ZFYVE9: variants seen among roughly 807,000 people sequenced by gnomAD.
ZFYVE9 encodes the protein zinc finger FYVE domain-containing protein 9.
A neutral mutation model predicts 126.7 loss-of-function variants in ZFYVE9; 43 were observed. The ratio of observed to expected loss-of-function variants is 0.34; its 90% CI spans 0.27 to 0.44. The LOEUF (loss-of-function observed/expected upper bound fraction) is 0.44, where lower values mean the gene tolerates loss of function less well. ZFYVE9 is among the 20% of genes least tolerant of loss of function. The pLI is 1.00. For synonymous variants in ZFYVE9, 521 were observed against 597.4 expected (o/e 0.87, Z 1.87); for missense variants, 1,476 against 1,697.0 (o/e 0.87, Z 2.29).
At chr1:52,210,313 G>A (rs1645015343) in intron 1 of ZFYVE9, among the ~76,000 whole-genome samples, 1 of 152,130 alleles carries the variant, frequency 6.6e-6, no homozygotes, top group South Asian at 2.1e-4. Flanking sequence ...AGTGTATGTG[G>A]GTTGGAGGAA....
chr1:52,225,026 A>C (rs1645156559), intron 2 of ZFYVE9, among the ~76,000 whole-genome samples: 1 of 152,122 alleles, frequency 6.6e-6, no homozygotes, highest in African/African-American at 2.4e-5. Flanking sequence ...CAAGGTGACC[A>C]CAGAACCGAG....
intron 4 of ZFYVE9, among the ~76,000 whole-genome samples, chr1:52,263,502 G>GT (rs34543856): frequency 1.2e-4 from 19 of 152,136 alleles, no homozygotes; most frequent in African/African-American, 3.4e-4. Context: ...AATTCAGGTG[G>GT]TTTTTTCCCC....
chr1:52,266,429 A>G (rs934653809), intron 5 of ZFYVE9, among the ~76,000 whole-genome samples: 30 of 150,684 alleles, frequency 2.0e-4, no homozygotes, highest in Non-Finnish European at 4.3e-4. Flanking sequence ...AAAAAAAAAA[A>G]AAAAATCATG....
intron 9 of ZFYVE9, among the ~76,000 whole-genome samples, chr1:52,280,022 A>G (rs1300712383): frequency 6.6e-6 from 1 of 152,140 alleles, no homozygotes; most frequent in Non-Finnish European, 1.5e-5. Context: ...GATCAGATTT[A>G]AAATGAATTT....
chr1:52,344,290 C>T (rs1198931531), intron 17 of ZFYVE9, among the ~76,000 whole-genome samples: 3 of 152,186 alleles, frequency 2.0e-5, no homozygotes, highest in African/African-American at 7.2e-5. Context: ...CAGCCTGGCT[C>T]TTCCTCTGTC....
At chr1:52,192,121 A>T (rs1223354424) in intron 1 of ZFYVE9, among the ~76,000 whole-genome samples, 1 of 151,848 alleles carries the variant, frequency 6.6e-6, no homozygotes, top group East Asian at 1.9e-4. Flanking sequence ...GCTACCTGCC[A>T]CTGCAAATCA....
At chr1:52,196,886 C>G (rs1644865811) in intron 1 of ZFYVE9, among the ~76,000 whole-genome samples, 1 of 152,038 alleles carries the variant, frequency 6.6e-6, no homozygotes, top group South Asian at 2.1e-4. Flanking sequence ...AAAGTATAAA[C>G]TGGAGAGGTA....
chr1:52,294,638 T>C (rs1024663058), intron 11 of ZFYVE9, among the ~76,000 whole-genome samples: 17 of 152,302 alleles, frequency 1.1e-4, no homozygotes, highest in African/African-American at 4.1e-4. Flanking sequence ...GTTAAGTTCA[T>C]TGGGAGCTCC....
chr1:52,207,866 A>G (rs1408961991), intron 1 of ZFYVE9, among the ~76,000 whole-genome samples: 2 of 152,248 alleles, frequency 1.3e-5, no homozygotes, highest in African/African-American at 4.8e-5. Flanking sequence ...AATAATAGCT[A>G]TCATTTATTG....
At chr1:52,152,059 G>T (rs1295585764) in intron 1 of ZFYVE9, among the ~76,000 whole-genome samples, 1 of 151,880 alleles carries the variant, frequency 6.6e-6, no homozygotes, top group Non-Finnish European at 1.5e-5. Context: ...GCACCATCTT[G>T]GTTAACTGCA....
rs1646403045 is a variant in ZFYVE9 at position 52,337,879 on chromosome 1, C to T, written c.3778C>T (p.Pro1260Ser). 5 of 1,614,190 alleles carry T rather than the reference C, an allele frequency of 3.1e-6. No homozygotes were observed. Among genetic ancestry groups the T allele is most frequent in the South Asian group, 1.1e-5 (1 of 91,082 alleles). Residue 1260 changes from proline (P) to serine (S), a missense_variant, in exon 16 of 19, where the codon CCC (proline) becomes TCC (serine). By Grantham distance (74) the Pro-to-Ser change is moderately conservative (BLOSUM62 -1). Transcript: ENST00000287727. Reference sequence around the variant, plus strand: ...CTGTGGGAAGGCGGACGCGGAGGAACCCCAGGAGCACATCCACATCCAGTG... The same window carrying T: ...CTGTGGGAAGGCGGACGCGGAGGAATCCCAGGAGCACATCCACATCCAGTG... ...ITCGKADAEEPQEHIHIQWVD... is the reference protein window; with the variant it reads ...ITCGKADAEESQEHIHIQWVD...
intron 1 of ZFYVE9, among the ~76,000 whole-genome samples, chr1:52,144,066 C>T (rs1277981894): frequency 6.6e-6 from 1 of 152,148 alleles, no homozygotes; most frequent in Non-Finnish European, 1.5e-5. Context: ...GCTTGGGCAA[C>T]GTAAGCAAGA....
rs1320799146 is a variant in ZFYVE9, at chr1:52,237,787, G to A, written c.370G>A (p.Asp124Asn). ...AATTAAGAGAAACTATAGTTGGGATGATCAATGCAGTGCTGTTGAAGTGGG... is the reference window on the plus strand; with the variant it reads ...AATTAAGAGAAACTATAGTTGGGATAATCAATGCAGTGCTGTTGAAGTGGG... ...QLIKRNYSWDDQCSAVEVGEK... is the reference protein window; with the variant it reads ...QLIKRNYSWDNQCSAVEVGEK... Residue 124 changes from aspartate (D) to asparagine (N), a missense_variant, in exon 4 of 19, where the codon GAT becomes AAT. This residue lies in a region of ZFYVE9 where 807 missense variants were observed against 794.6 expected (regional missense o/e 1.02). Coordinates refer to ENST00000287727, the MANE Select transcript of ZFYVE9 (RefSeq NM_004799.4). 6.2e-7 allele frequency: 1 copy of A among 1,614,130 alleles called. No individual in the cohort carries two copies. The highest frequency in any genetic ancestry group is 2.2e-5 in the East Asian group (1 of 44,886).
In ZFYVE9 at chr1:52,296,173, G is replaced by GTA. The variant is rs528783937; in HGVS notation, c.3333+199_3333+200dup. Among the ~76,000 whole-genome samples the GTA allele has an allele frequency of 7.5e-3, 1,122 of 149,462 alleles. 9 individuals are homozygous for GTA. The highest frequency in any genetic ancestry group is 0.026 in the African/African-American group (1,034 of 39,644). ...CACACATATACATATATATTCATAT[G>GTA]TATACACACACACACACACACATAT... is the stretch of plus-strand genomic sequence containing the variant. On this transcript the variant is annotated intron_variant, in intron 12 of 18. Transcript: ENST00000287727.
intron 13 of ZFYVE9, among the ~76,000 whole-genome samples, chr1:52,326,693 CAAAAA>C (rs34479038): frequency 2.6e-4 from 27 of 102,932 alleles, no homozygotes; most frequent in African/African-American, 9.6e-4. Context: ...TACTCAATAC[CAAAAA>C]AAAAAAAAAA....
At chr1:52,265,017 T>TA (rs1645618434) in intron 5 of ZFYVE9, among the ~76,000 whole-genome samples, 1 of 152,246 alleles carries the variant, frequency 6.6e-6, no homozygotes, top group African/African-American at 2.4e-5. Flanking sequence ...TTATAGTACC[T>TA]AATACCTCTT....
chr1:52,148,514 C>G (rs139255254), intron 1 of ZFYVE9, among the ~76,000 whole-genome samples: 19 of 152,126 alleles, frequency 1.2e-4, no homozygotes, highest in Non-Finnish European at 2.4e-4. Flanking sequence ...TGTAAACTTT[C>G]TAGTTTCCTG....
chr1:52,213,404 A>G (rs1309974448), intron 1 of ZFYVE9, among the ~76,000 whole-genome samples: 1 of 152,106 alleles, frequency 6.6e-6, no homozygotes, highest in Non-Finnish European at 1.5e-5. Flanking sequence ...TAATCCTAGC[A>G]CTTTGGGAGG....
At chr1:52,180,504 G>C in intron 1 of ZFYVE9, 1 of 802,108 alleles carries the variant, frequency 1.2e-6, no homozygotes, top group Non-Finnish European at 2.2e-6. Flanking sequence ...GCTGTCCTCA[G>C]TGCAATGCTC....
Sources: gnomAD v4.1 joint callset for allele counts (sites outside exome capture counted in the v4.1 genomes callset) on GRCh38, gnomAD v4.1.1 for gene constraint, gnomAD v4.1.1 regional missense constraint, MANE v1.5 for transcripts, NCBI Gene and HGNC (gene_info 2026-07-23, HGNC 2026-07-21) for gene names.